The following RUNX1T1 variants were observed in gnomAD, a reference collection of about 807,000 sequenced individuals.
RUNX1T1 encodes the protein RUNX1 partner transcriptional co-repressor 1.
RUNX1T1 carries 4 observed loss-of-function variants against 62.8 expected under a neutral mutation model. The observed-to-expected ratio is 0.06, with a 90% CI of 0.03 to 0.15. The LOEUF is 0.15. RUNX1T1 is among the 10% of genes least tolerant of loss of function. RUNX1T1 has a pLI of 1.00. For synonymous variants in RUNX1T1, 291 were observed against 286.0 expected, an observed-to-expected ratio of 1.02 and a Z score of -0.18; for missense variants, 508 against 754.3, an observed-to-expected ratio of 0.67 and a Z score of 3.82.
intron 9 of RUNX1T1, among the ~76,000 whole-genome samples, chr8:91,974,772 C>T (rs1468677564): frequency 6.6e-6 from 1 of 152,166 alleles, no homozygotes; most frequent in Non-Finnish European, 1.5e-5. Flanking sequence ...ACGTGCAAGA[C>T]AGCTTTCTAA....
chr8:91,972,732 T>A (rs1398369087), intron 9 of RUNX1T1, among the ~76,000 whole-genome samples: 1 of 152,104 alleles, frequency 6.6e-6, no homozygotes, highest in Admixed American at 6.6e-5. Context: ...ATTTAAATTA[T>A]GCATTCCTAT....
downstream of RUNX1T1, chr8:91,957,015 TCA>T (rs1036457655): frequency 1.0e-4 from 22 of 213,804 alleles, no homozygotes; most frequent in Non-Finnish European, 1.9e-4. Context: ...GGTGGCCCTG[TCA>T]CACACAGTCT....
chr8:92,060,688 T>G (rs986365214), intron 1 of RUNX1T1, among the ~76,000 whole-genome samples: 14 of 151,298 alleles, frequency 9.3e-5, no homozygotes, highest in Non-Finnish European at 1.9e-4. Context: ...ATATAAAACC[T>G]GCCCAAGATG....
intron 2 of RUNX1T1, among the ~76,000 whole-genome samples, chr8:92,070,926 C>T (rs1833577972): frequency 6.6e-6 from 1 of 152,230 alleles, no homozygotes; most frequent in Admixed American, 6.5e-5. Context: ...CCACCACCAC[C>T]TTTGTTTCCC....
chr8:92,088,897 T>G (rs1430869312), intron 1 of RUNX1T1, among the ~76,000 whole-genome samples: 1 of 152,242 alleles, frequency 6.6e-6, no homozygotes, highest in Non-Finnish European at 1.5e-5. Context: ...ACCCAGTTAG[T>G]ACCAACTACG....
intron 8 of RUNX1T1, among the ~76,000 whole-genome samples, chr8:91,976,734 C>T (rs900251343): frequency 6.6e-6 from 1 of 152,160 alleles, no homozygotes; most frequent in African/African-American, 2.4e-5. Flanking sequence ...GGAATTAACA[C>T]AAAACATTTT....
At chr8:92,053,724 T>C (rs1830583653) in intron 1 of RUNX1T1, among the ~76,000 whole-genome samples, 1 of 152,232 alleles carries the variant, frequency 6.6e-6, no homozygotes, top group Non-Finnish European at 1.5e-5. Flanking sequence ...GCTTTGTGTA[T>C]TATTTCTTTC....
At chr8:91,974,536 T>C (rs1156983478) in intron 9 of RUNX1T1, among the ~76,000 whole-genome samples, 1 of 152,100 alleles carries the variant, frequency 6.6e-6, no homozygotes, top group African/African-American at 2.4e-5. Context: ...TCACAATTAT[T>C]TGTACCTCTT....
At chr8:91,996,035 C>A (rs1563707280) in intron 5 of RUNX1T1, among the ~76,000 whole-genome samples, 3 of 152,108 alleles carry the variant, frequency 2.0e-5, no homozygotes, top group Non-Finnish European at 2.9e-5. Flanking sequence ...TTCTTCATTG[C>A]CCTTTTCAGT....
intron 8 of RUNX1T1, among the ~76,000 whole-genome samples, chr8:91,976,793 A>G (rs890824246): frequency 6.6e-6 from 1 of 152,254 alleles, no homozygotes; most frequent in Non-Finnish European, 1.5e-5. Flanking sequence ...ACCGTCTTCC[A>G]TAGCTAAAAT....
downstream of RUNX1T1, chr8:91,956,092 G>A (rs1309438308): frequency 4.3e-6 from 1 of 230,278 alleles, no homozygotes; most frequent in South Asian, 1.8e-4. Flanking sequence ...ACAAGAGTCA[G>A]AGCCTCATGA....
chr8:91,971,243 T>C (rs2130628494), intron 9 of RUNX1T1: 1 of 156,360 alleles, frequency 6.4e-6, no homozygotes, highest in Admixed American at 6.5e-5. Flanking sequence ...TTAACCAAAC[T>C]AATGCCTCCA....
intron 1 of RUNX1T1, among the ~76,000 whole-genome samples, chr8:92,061,857 T>A (rs981807688): frequency 6.6e-6 from 1 of 151,938 alleles, no homozygotes; most frequent in Non-Finnish European, 1.5e-5. Context: ...AACAACCCTT[T>A]CCCCGGCCAG....
intron 1 of RUNX1T1, among the ~76,000 whole-genome samples, chr8:92,044,487 C>T (rs1171988957): frequency 6.6e-6 from 1 of 152,150 alleles, no homozygotes; most frequent in Non-Finnish European, 1.5e-5. Flanking sequence ...ATCAGTCTAT[C>T]CAAGAGATGG....
upstream of RUNX1T1, among the ~76,000 whole-genome samples, chr8:92,064,909 T>TTA (rs1832647885): frequency 6.6e-6 from 1 of 152,182 alleles, no homozygotes; most frequent in South Asian, 2.1e-4. Context: ...CTGACTACAG[T>TTA]AATTGCCACT....
chr8:91,966,434 T>G (rs1452569363), intron 10 of RUNX1T1, among the ~76,000 whole-genome samples: 1 of 151,968 alleles, frequency 6.6e-6, no homozygotes, highest in Non-Finnish European at 1.5e-5. Context: ...AAAACATCAC[T>G]TTGGTAGTTT....
Position 92,084,439 on chromosome 8 carries a change from G to GA in RUNX1T1, c.-85-8303dup, listed in dbSNP as rs1337867425. Among the ~76,000 whole-genome samples, 5 of 151,404 alleles carry GA rather than the reference G, an allele frequency of 3.3e-5. No homozygotes were observed. The South Asian group carries it at 6.3e-4, about 19-fold the overall frequency. ...AGCGACCAAGGTGGAAAGAGGTTGA[G>GA]AAAAAAAACAACATGCTGTTGGAAC... On this transcript the variant is annotated intron_variant, in intron 1 of 11. Coordinates refer to the RUNX1T1 transcript ENST00000265814.
At chr8:92,020,412 T>C (rs919616933) in intron 1 of RUNX1T1, among the ~76,000 whole-genome samples, 2 of 152,184 alleles carry the variant, frequency 1.3e-5, no homozygotes, top group Admixed American at 1.3e-4. Flanking sequence ...TATTAAGTTA[T>C]AATATTTCTT....
intron 1 of RUNX1T1, among the ~76,000 whole-genome samples, chr8:92,030,013 C>T (rs551752182): frequency 3.2e-4 from 48 of 152,146 alleles, no homozygotes; most frequent in African/African-American, 1.2e-3. Flanking sequence ...GTATAAAATC[C>T]AAACCTTCAA....
Sources: gnomAD v4.1 joint callset for allele counts (sites outside exome capture counted in the v4.1 genomes callset) on GRCh38, gnomAD v4.1.1 for gene constraint, MANE v1.5 for transcripts, NCBI Gene and HGNC (gene_info 2026-07-23, HGNC 2026-07-21) for gene names.